FSTL5: variants seen among roughly 807,000 people sequenced by gnomAD.
The protein encoded by FSTL5 is follistatin-related protein 5.
In FSTL5, 62 loss-of-function variants were observed where a neutral mutation model predicts 89.1. The ratio of observed to expected loss-of-function variants is 0.70; its 90% CI spans 0.57 to 0.86. The LOEUF (loss-of-function observed/expected upper bound fraction) is 0.86, where lower values mean the gene tolerates loss of function less well. Ranked by LOEUF, FSTL5 falls within the 40% of genes least tolerant of loss-of-function variation. FSTL5 has a pLI of 0.00. For missense variants in FSTL5, 1,057 were observed against 1,001.6 expected, an observed-to-expected ratio of 1.06 and a Z score of -0.75; for synonymous variants, 383 against 346.2, an observed-to-expected ratio of 1.11 and a Z score of -1.18.
chr4:161,912,404 T>A (rs992800750), intron 4 of FSTL5, among the ~76,000 whole-genome samples: 3 of 152,142 alleles, frequency 2.0e-5, no homozygotes, highest in African/African-American at 7.2e-5. Flanking sequence ...GGTAATTGAA[T>A]CATGGGGGCC....
At chr4:161,906,286 G>A (rs1315657489) in intron 4 of FSTL5, among the ~76,000 whole-genome samples, 1 of 152,104 alleles carries the variant, frequency 6.6e-6, no homozygotes, top group Non-Finnish European at 1.5e-5. Flanking sequence ...CCAGTCTCCA[G>A]AGGGAGGAAC....
chr4:161,459,434 A>ATT (rs1400003771), intron 13 of FSTL5, 115 bp from the exon 14 acceptor site: 2 of 603,316 alleles, frequency 3.3e-6, no homozygotes, highest in African/African-American at 3.7e-5. Flanking sequence ...AATTTGCCAA[A>ATT]TATATAATTT....
chr4:162,083,666 C>T (rs6836399), intron 2 of FSTL5, among the ~76,000 whole-genome samples: 149,226 of 151,830 alleles, frequency 0.98, 73,392 homozygotes, highest in East Asian at 1. Flanking sequence ...CTAGGGACTT[C>T]TGAAATACTT....
At chr4:162,084,071 T>C (rs1041896306) in intron 2 of FSTL5, among the ~76,000 whole-genome samples, 3 of 151,990 alleles carry the variant, frequency 2.0e-5, no homozygotes, top group African/African-American at 4.8e-5. Context: ...AGGGATGATA[T>C]ATGCCCATTC....
chr4:161,438,685 G>A (rs144043270), intron 15 of FSTL5, among the ~76,000 whole-genome samples: 64 of 152,160 alleles, frequency 4.2e-4, no homozygotes, highest in African/African-American at 1.5e-3. Context: ...TATCAATACT[G>A]TACAAGGATT....
At chr4:161,701,724 T>C (rs1738398463) in intron 6 of FSTL5, among the ~76,000 whole-genome samples, 1 of 152,162 alleles carries the variant, frequency 6.6e-6, no homozygotes, top group Non-Finnish European at 1.5e-5. Context: ...CAAAAGTACA[T>C]GTAGTTAGAG....
At chr4:161,803,081 A>C (rs899763138) in intron 4 of FSTL5, among the ~76,000 whole-genome samples, 17 of 151,884 alleles carry the variant, frequency 1.1e-4, no homozygotes, top group African/African-American at 4.1e-4. Context: ...ACAAACAAAA[A>C]ACCACTACAT....
At chr4:161,959,477 GACT>G (rs1383163801) in intron 3 of FSTL5, among the ~76,000 whole-genome samples, 1 of 151,966 alleles carries the variant, frequency 6.6e-6, no homozygotes, top group Non-Finnish European at 1.5e-5. Context: ...AATGTATAAT[GACT>G]ACATTTTCAT....
intron 10 of FSTL5, among the ~76,000 whole-genome samples, chr4:161,528,810 A>G (rs1323568321): frequency 2.1e-5 from 3 of 143,362 alleles, no homozygotes; most frequent in East Asian, 4.8e-4. Flanking sequence ...GAAAACCTCA[A>G]AGAGAGTCCT....
intron 6 of FSTL5, among the ~76,000 whole-genome samples, chr4:161,740,881 C>T (rs1434618): frequency 0.55 from 82,859 of 152,010 alleles, 26,338 homozygotes; most frequent in Non-Finnish European, 0.71. Flanking sequence ...ATTCCAAGAT[C>T]AAGGTGCTGA....
rs965100794 is a variant in FSTL5 at position 161,421,529 on chromosome 4, G to A, written c.1841+33475C>T. ...TTAGGGTTTAAGGAGGTGTGCATGG[G>A]TTCCAAGTTGAAAAGGAGTGGACCT... On this transcript the variant is annotated intron_variant, in intron 15 of 15. Coordinates refer to ENST00000306100, the MANE Select transcript of FSTL5 (RefSeq NM_020116.5). 2.6e-5 allele frequency among the ~76,000 whole-genome samples: 4 copies of A among 152,266 alleles called. No homozygotes were observed. The South Asian group carries it at 8.3e-4, about 32-fold the overall frequency.
intron 3 of FSTL5, among the ~76,000 whole-genome samples, chr4:161,948,760 T>C (rs1398647398): frequency 1.3e-5 from 2 of 152,078 alleles, no homozygotes; most frequent in Non-Finnish European, 2.9e-5. Flanking sequence ...ATGAACAGAA[T>C]TTAATTACTG....
chr4:161,777,967 G>C (rs374311384), intron 4 of FSTL5, among the ~76,000 whole-genome samples: 5 of 152,050 alleles, frequency 3.3e-5, no homozygotes, highest in East Asian at 3.9e-4. Context: ...GATGGCACGT[G>C]CCTCTAAACC....
At chr4:161,527,840 G>A (rs975792897) in intron 10 of FSTL5, among the ~76,000 whole-genome samples, 3 of 151,228 alleles carry the variant, frequency 2.0e-5, no homozygotes, top group Non-Finnish European at 4.4e-5. Context: ...AAAGACACAT[G>A]CACACGTATG....
At chr4:161,883,798 T>C (rs190026839) in intron 4 of FSTL5, among the ~76,000 whole-genome samples, 2 of 152,280 alleles carry the variant, frequency 1.3e-5, no homozygotes, top group Non-Finnish European at 1.5e-5. Context: ...CATCTAATGA[T>C]GTTACCGGCA....
At chr4:162,129,305 C>A (rs1294741728) in intron 1 of FSTL5, among the ~76,000 whole-genome samples, 2 of 151,870 alleles carry the variant, frequency 1.3e-5, no homozygotes, top group African/African-American at 4.9e-5. Context: ...AAGTGTAATC[C>A]TTCAAATATT....
intron 4 of FSTL5, among the ~76,000 whole-genome samples, chr4:161,830,832 A>T (rs1730820710): frequency 6.6e-6 from 1 of 152,010 alleles, no homozygotes; most frequent in South Asian, 2.1e-4. Flanking sequence ...TTGTTTGATC[A>T]TAGTATGCTA....
intron 4 of FSTL5, among the ~76,000 whole-genome samples, chr4:161,828,572 A>G (rs1280586285): frequency 6.6e-6 from 1 of 152,136 alleles, no homozygotes; most frequent in Non-Finnish European, 1.5e-5. Flanking sequence ...AAGAGCTATT[A>G]TTTAATTTTA....
intron 7 of FSTL5, among the ~76,000 whole-genome samples, chr4:161,626,186 T>G (rs1194658161): frequency 6.6e-6 from 1 of 152,066 alleles, no homozygotes; most frequent in Non-Finnish European, 1.5e-5. Flanking sequence ...GACAAAACCA[T>G]CTTGTGATGG....
Sources: allele counts gnomAD v4.1 joint callset (sites outside exome capture counted in the v4.1 genomes callset), GRCh38; gene constraint gnomAD v4.1.1; transcripts MANE v1.5; gene names NCBI Gene and HGNC (gene_info 2026-07-23, HGNC 2026-07-21).